The following OSBPL9 variants were observed in gnomAD, a reference collection of about 807,000 sequenced individuals.
OSBPL9 encodes oxysterol-binding protein-related protein 9.
OSBPL9 carries 40 observed loss-of-function variants against 106.6 expected under a neutral mutation model. The ratio of observed to expected loss-of-function variants is 0.38; its 90% CI spans 0.29 to 0.49. OSBPL9 has a LOEUF of 0.49. Ranked by LOEUF, OSBPL9 falls within the 20% of genes least tolerant of loss-of-function variation. OSBPL9 has a pLI of 0.97. For missense variants in OSBPL9, 609 were observed against 887.2 expected, an observed-to-expected ratio of 0.69 and a Z score of 3.98; for synonymous variants, 269 against 295.4, an observed-to-expected ratio of 0.91 and a Z score of 0.92.
the OSBPL9 span, among the ~76,000 whole-genome samples, chr1:51,544,949 T>C: frequency 6.9e-6 from 1 of 145,228 alleles, no homozygotes; most frequent in East Asian, 2.3e-4. Flanking sequence ...GCTCAAGCAA[T>C]TCTCCTGCCT....
chr1:51,710,923 C>T (rs1392771383), intron 3 of OSBPL9, among the ~76,000 whole-genome samples: 3 of 152,312 alleles, frequency 2.0e-5, no homozygotes, highest in East Asian at 1.9e-4. Context: ...AATTCTCAGC[C>T]GGACAGTGCT....
intron 1 of OSBPL9, among the ~76,000 whole-genome samples, chr1:51,621,321 A>C (rs1301579126): frequency 6.6e-6 from 1 of 151,950 alleles, no homozygotes; most frequent in Non-Finnish European, 1.5e-5. Context: ...GGCCAACACT[A>C]TCTCTGCTAA....
intron 14 of OSBPL9, among the ~76,000 whole-genome samples, chr1:51,774,481 G>A (rs1184741386): frequency 6.6e-6 from 1 of 152,082 alleles, no homozygotes; most frequent in Non-Finnish European, 1.5e-5. Context: ...TTAAATTTGT[G>A]TCTTTTATAA....
At chr1:51,775,910 C>T (rs1463573218) in intron 14 of OSBPL9, among the ~76,000 whole-genome samples, 1 of 152,144 alleles carries the variant, frequency 6.6e-6, no homozygotes, top group Non-Finnish European at 1.5e-5. Flanking sequence ...TATGCCCAGC[C>T]TCCACCACAG....
At position 51,766,000 on chromosome 1, in the gene OSBPL9, T is replaced by C; in HGVS notation, c.938+19T>C. 6.3e-7 allele frequency: 1 copy of C among 1,577,286 alleles called. No homozygotes were observed. Among genetic ancestry groups the C allele is most frequent in the South Asian group, 1.2e-5 (1 of 85,976 alleles). On this transcript the variant is annotated intron_variant, in intron 12 of 23. Coordinates refer to ENST00000428468, the MANE Select transcript of OSBPL9 (RefSeq NM_024586.6). ...TAATAGAGTGAGTAGATGAACAGAA[T>C]ATGTATTTAAATGATTCTCCTGATT... is the stretch of plus-strand genomic sequence containing the variant.
rs2149175666 is a variant in OSBPL9, at chr1:51,788,378, TAAATTGTATC to T, written c.*590_*599del. ...TTTTATTTTGGAATTGAACTATTAT[TAAATTGTATC>T]TAATCCTGGATTACAGTTTAATTAA... On this transcript the variant is annotated 3_prime_UTR_variant, in exon 24 of 24. Transcript: ENST00000428468. The T allele has an allele frequency of 6.5e-6, 1 of 152,806 alleles. No individual in the cohort carries two copies. The highest frequency in any genetic ancestry group is 1.9e-4 in the East Asian group (1 of 5,196). The allele number at this position is 152,806 out of a possible 1,614,324, so 9.5% of individuals were successfully genotyped here. A position where few individuals can be genotyped will look rare whatever the true frequency, so the allele number is the denominator to read the frequency against.
At chr1:51,718,554 G>C (rs987938895) in intron 4 of OSBPL9, among the ~76,000 whole-genome samples, 4 of 152,090 alleles carry the variant, frequency 2.6e-5, no homozygotes, top group African/African-American at 9.7e-5. Flanking sequence ...TAGTTCGTCT[G>C]TATACCATTC....
At chr1:51,555,872 G>T in the OSBPL9 span, among the ~76,000 whole-genome samples, 2 of 152,118 alleles carry the variant, frequency 1.3e-5, no homozygotes, top group Non-Finnish European at 2.9e-5. Context: ...CGCCCAGCCA[G>T]ATTCTATACG....
chr1:51,560,475 C>T, the OSBPL9 span, among the ~76,000 whole-genome samples: 1 of 152,214 alleles, frequency 6.6e-6, no homozygotes, highest in Non-Finnish European at 1.5e-5. Context: ...AAAGCACTCA[C>T]CCCAGGCCAG....
Position 51,701,796 on chromosome 1 carries a change from G to A in OSBPL9, c.242-12207G>A, listed in dbSNP as rs555047526. Among the ~76,000 whole-genome samples the A allele has an allele frequency of 2.9e-3, 445 of 151,776 alleles. 3 individuals carry two copies. The highest frequency in any genetic ancestry group is 7.3e-3 in the Admixed American group (111 of 15,228). On this transcript the variant is annotated intron_variant, in intron 3 of 23. Coordinates refer to ENST00000428468, the MANE Select transcript of OSBPL9 (RefSeq NM_024586.6). ...ATATATCCTAATGCTATCCCTCCCC[G>A]CTCTGCCCACCCCACAACAGGCCCC... is the stretch of plus-strand genomic sequence containing the variant.
intron 1 of OSBPL9, among the ~76,000 whole-genome samples, chr1:51,595,360 TCTATC>T (rs1332609151): frequency 6.6e-6 from 1 of 152,122 alleles, no homozygotes; most frequent in African/African-American, 2.4e-5. Context: ...CCTCTATCCT[TCTATC>T]CTTCCATCCA....
intron 2 of OSBPL9, among the ~76,000 whole-genome samples, chr1:51,667,058 G>A (rs974902816): frequency 1.3e-5 from 2 of 152,220 alleles, no homozygotes; most frequent in Non-Finnish European, 2.9e-5. Flanking sequence ...AGCACAGCCT[G>A]TGGTAATGGA....
intron 14 of OSBPL9, 38 bp downstream of exon 14, chr1:51,772,761 A>G: frequency 7.2e-7 from 1 of 1,396,092 alleles, no homozygotes; most frequent in Non-Finnish European, 1.0e-6. Context: ...GTGGGTATGT[A>G]TGGATTCTCA....
At chr1:51,570,767 T>C in the OSBPL9 span, among the ~76,000 whole-genome samples, 1 of 152,196 alleles carries the variant, frequency 6.6e-6, no homozygotes, top group African/African-American at 2.4e-5. Context: ...ATCTGAGAAG[T>C]ACTTTGTAAA....
At chr1:51,640,666 A>G (rs941239070) in intron 1 of OSBPL9, among the ~76,000 whole-genome samples, 1 of 152,184 alleles carries the variant, frequency 6.6e-6, no homozygotes, top group African/African-American at 2.4e-5. Flanking sequence ...TGTTTGTTGG[A>G]TGAGTAAGAT....
At chr1:51,526,633 A>C in the OSBPL9 span, among the ~76,000 whole-genome samples, 4,568 of 152,278 alleles carry the variant, frequency 0.03, 75 homozygotes, top group African/African-American at 0.05. Context: ...TTCACAATCA[A>C]CACTGGAAGC....
the OSBPL9 span, among the ~76,000 whole-genome samples, chr1:51,522,501 G>C: frequency 1.4e-5 from 2 of 145,304 alleles, no homozygotes; most frequent in African/African-American, 5.0e-5. Context: ...AGGTGTTTTT[G>C]TTTGTTTGTT....
the OSBPL9 span, among the ~76,000 whole-genome samples, chr1:51,548,742 AG>A: frequency 6.6e-6 from 1 of 152,218 alleles, no homozygotes; most frequent in African/African-American, 2.4e-5. Flanking sequence ...AAAAGGCAAA[AG>A]AAAATTTATC....
intron 14 of OSBPL9, 104 bp downstream of exon 14, chr1:51,772,827 A>T: frequency 1.2e-6 from 1 of 811,870 alleles, no homozygotes; most frequent in Non-Finnish European, 2.2e-6. Flanking sequence ...ATTTCTTTTT[A>T]TACCTGTGTC....
Sources: gnomAD v4.1 joint callset for allele counts (sites outside exome capture counted in the v4.1 genomes callset) on GRCh38, gnomAD v4.1.1 for gene constraint, MANE v1.5 for transcripts, NCBI Gene and HGNC (gene_info 2026-07-23, HGNC 2026-07-21) for gene names.